Variants in LRFN5 observed in about 807,000 individuals in gnomAD.
LRFN5 encodes the protein leucine-rich repeat and fibronectin type-III domain-containing protein 5.
Under a neutral mutation model 45.6 loss-of-function variants are expected in LRFN5, and 24 were observed. The observed-to-expected ratio is 0.53, with a 90% confidence interval of 0.38 to 0.74. LRFN5 has a LOEUF of 0.74. Among genes scored for constraint, LRFN5 ranks in the 30% least tolerant of loss-of-function variants. The pLI, the probability that LRFN5 is intolerant of heterozygous loss-of-function variation, is 0.00. For missense variants in LRFN5, 776 were observed against 861.5 expected (o/e 0.90, Z 1.24); for synonymous variants, 340 against 313.8 (o/e 1.08, Z -0.88).
At chr14:41,791,158 A>T (rs551156586) in intron 2 of LRFN5, among the ~76,000 whole-genome samples, 1 of 151,976 alleles carries the variant, frequency 6.6e-6, no homozygotes, top group South Asian at 2.1e-4. Context: ...TTTCCTTAAT[A>T]CCAATTTGAT....
At chr14:41,886,179 C>T (rs1890566355) in intron 2 of LRFN5, among the ~76,000 whole-genome samples, 2 of 152,086 alleles carry the variant, frequency 1.3e-5, no homozygotes. Context: ...AATTGACCTA[C>T]TTACAAATCT....
At chr14:41,656,831 C>T (rs1475027385) in intron 1 of LRFN5, among the ~76,000 whole-genome samples, 1 of 151,748 alleles carries the variant, frequency 6.6e-6, no homozygotes, top group Non-Finnish European at 1.5e-5. Flanking sequence ...TTATTATATC[C>T]ATATTGAGAC....
intron 1 of LRFN5, among the ~76,000 whole-genome samples, chr14:41,690,744 C>G (rs1261762062): frequency 6.6e-6 from 1 of 152,100 alleles, no homozygotes; most frequent in African/African-American, 2.4e-5. Flanking sequence ...AAAGTCCACT[C>G]TTTCTCTTTA....
chr14:41,644,711 A>G (rs1166459292), intron 1 of LRFN5, among the ~76,000 whole-genome samples: 1 of 152,138 alleles, frequency 6.6e-6, no homozygotes, highest in East Asian at 1.9e-4. Context: ...GATATATTTT[A>G]TGTCCTTCCC....
chr14:41,885,274 A>G (rs10130680), intron 2 of LRFN5, among the ~76,000 whole-genome samples: 94,902 of 150,376 alleles, frequency 0.63, 30,172 homozygotes, highest in Middle Eastern at 0.74. Flanking sequence ...GCAGTGAGCC[A>G]TGATCACACC....
At chr14:41,773,733 GAAA>G (rs1449229131) in intron 2 of LRFN5, among the ~76,000 whole-genome samples, 1 of 152,164 alleles carries the variant, frequency 6.6e-6, no homozygotes, top group East Asian at 1.9e-4. Context: ...GAGTTCAGTG[GAAA>G]AGGAGATTAC....
chr14:41,857,824 C>G (rs950088264), intron 2 of LRFN5, among the ~76,000 whole-genome samples: 1 of 152,098 alleles, frequency 6.6e-6, no homozygotes, highest in Non-Finnish European at 1.5e-5. Flanking sequence ...GTGAAGACCT[C>G]ATAGACATGA....
intron 2 of LRFN5, among the ~76,000 whole-genome samples, chr14:41,836,730 G>A (rs1414843414): frequency 1.3e-5 from 2 of 152,134 alleles, no homozygotes; most frequent in East Asian, 1.9e-4. Flanking sequence ...CTTTTCTTCA[G>A]TATGAGTGTA....
chr14:41,695,977 A>C (rs1316557918), intron 1 of LRFN5, among the ~76,000 whole-genome samples: 1 of 151,952 alleles, frequency 6.6e-6, no homozygotes, highest in African/African-American at 2.4e-5. Flanking sequence ...TCTGGAAAAG[A>C]TTAACCCTTC....
chr14:41,843,259 A>G lies in LRFN5; in HGVS notation c.-20-43347A>G, dbSNP rs560746389. Among the ~76,000 whole-genome samples, 118 of 151,788 alleles carry G rather than the reference A, an allele frequency of 7.8e-4. 1 individual carries two copies. Among genetic ancestry groups the G allele is most frequent in the Non-Finnish European group, 1.3e-3 (91 of 67,912 alleles). ...TATGCATACCATCATGCCCAGCTAT[A>G]TTCTAAATTTGTTTTGTAGAGATGA... On this transcript the variant is annotated intron_variant, in intron 2 of 5. Coordinates refer to ENST00000298119, the MANE Select transcript of LRFN5 (RefSeq NM_152447.5).
chr14:41,795,040 A>G (rs578054844), intron 2 of LRFN5, among the ~76,000 whole-genome samples: 1 of 152,126 alleles, frequency 6.6e-6, no homozygotes, highest in Non-Finnish European at 1.5e-5. Flanking sequence ...TATATACTAT[A>G]TATTCTTATA....
intron 2 of LRFN5, among the ~76,000 whole-genome samples, chr14:41,823,010 A>G (rs1258170871): frequency 1.3e-5 from 2 of 151,124 alleles, no homozygotes; most frequent in Non-Finnish European, 3.0e-5. Flanking sequence ...ATTTTTTTCC[A>G]CCCGAGTCTA....
intron 1 of LRFN5, among the ~76,000 whole-genome samples, chr14:41,668,136 A>G (rs1880994379): frequency 6.6e-6 from 1 of 152,188 alleles, no homozygotes; most frequent in East Asian, 1.9e-4. Flanking sequence ...TTAGAATAGC[A>G]TATAGTGATT....
At chr14:41,764,644 G>T (rs758272994) in intron 1 of LRFN5, among the ~76,000 whole-genome samples, 1 of 151,990 alleles carries the variant, frequency 6.6e-6, no homozygotes. Flanking sequence ...AATAGAAAAT[G>T]TAATTACAGA....
rs549003940 is a variant in LRFN5, at chr14:41,710,141, C to A, written c.-196-56713C>A. 2.8e-4 allele frequency among the ~76,000 whole-genome samples: 42 copies of A among 152,156 alleles called. No homozygotes were observed. In the South Asian group the frequency reaches 5.4e-3, roughly 20 times the overall value. The stretch of plus-strand genomic sequence containing the variant: ...GAAGACTGTAGATCAAGGTTGTTTA[C>A]AGGCAAAACTTTTAAAGCAATAATA... On this transcript the variant is annotated intron_variant, in intron 1 of 5. Transcript: ENST00000298119.
In LRFN5 at chr14:41,723,300, A is replaced by G. The variant is rs115136032; in HGVS notation, c.-196-43554A>G. Among the ~76,000 whole-genome samples the G allele has an allele frequency of 2.2e-3, 337 of 152,192 alleles. 1 individual carries two copies. The highest frequency in any genetic ancestry group is 6.7e-3 in the African/African-American group (280 of 41,542). ...CTGAGCAAGGCAAGCAGGTGCTTAG[A>G]ATGCCTGGAAGTCTACTTTGGTGTA... On this transcript the variant is annotated intron_variant, in intron 1 of 5. Coordinates refer to ENST00000298119, the MANE Select transcript of LRFN5 (RefSeq NM_152447.5).
At chr14:41,849,222 C>A (rs1889177882) in intron 2 of LRFN5, among the ~76,000 whole-genome samples, 1 of 151,820 alleles carries the variant, frequency 6.6e-6, no homozygotes, top group Non-Finnish European at 1.5e-5. Context: ...TGAGGTAATC[C>A]AATGCTATTA....
At chr14:41,759,320 T>C (rs1054587517) in intron 1 of LRFN5, among the ~76,000 whole-genome samples, 3 of 152,124 alleles carry the variant, frequency 2.0e-5, no homozygotes, top group Non-Finnish European at 4.4e-5. Flanking sequence ...CTCTTAACTA[T>C]CTATGAATCT....
At chr14:41,881,678 C>T (rs1053007633) in intron 2 of LRFN5, among the ~76,000 whole-genome samples, 1 of 151,954 alleles carries the variant, frequency 6.6e-6, no homozygotes, top group Non-Finnish European at 1.5e-5. Context: ...AGATCTAATA[C>T]TTTTTGTTCT....
Sources: allele counts gnomAD v4.1 joint callset (sites outside exome capture counted in the v4.1 genomes callset), GRCh38; gene constraint gnomAD v4.1.1; transcripts MANE v1.5; gene names NCBI Gene and HGNC (gene_info 2026-07-23, HGNC 2026-07-21).